Variants in ROBO2 observed in about 807,000 individuals in gnomAD.
ROBO2 encodes roundabout guidance receptor 2, also known as roundabout homolog 2.
ROBO2 carries 53 observed loss-of-function variants against 160.8 expected under a neutral mutation model. The observed-to-expected ratio is 0.33, with a 90% CI of 0.26 to 0.41. The LOEUF is 0.41. ROBO2 is among the 10% of genes least tolerant of loss of function. The pLI is 1.00. For synonymous variants in ROBO2, 664 were observed against 611.7 expected (o/e 1.09, Z -1.26); for missense variants, 1,577 against 1,722.4 (o/e 0.92, Z 1.49).
chr3:75,999,784 G>A (rs1264737504), intron 2 of ROBO2, among the ~76,000 whole-genome samples: 3 of 152,128 alleles, frequency 2.0e-5, no homozygotes, highest in Admixed American at 2.0e-4. Flanking sequence ...CATAAAAAGA[G>A]ATTAAAAACT....
intron 2 of ROBO2, among the ~76,000 whole-genome samples, chr3:76,305,103 G>C (rs2071272683): frequency 6.6e-6 from 1 of 151,990 alleles, no homozygotes; most frequent in Admixed American, 6.6e-5. Context: ...GGGAGCTTCA[G>C]TCAAGAAAAG....
At chr3:76,226,135 A>G (rs1364835352) in intron 2 of ROBO2, among the ~76,000 whole-genome samples, 1 of 152,182 alleles carries the variant, frequency 6.6e-6, no homozygotes, top group African/African-American at 2.4e-5. Flanking sequence ...ACTTAATACT[A>G]AGAAATTCAA....
At chr3:77,002,680 G>A (rs184400901) in intron 2 of ROBO2, among the ~76,000 whole-genome samples, 34 of 152,032 alleles carry the variant, frequency 2.2e-4, no homozygotes, top group African/African-American at 8.0e-4. Context: ...TTTCAATTTG[G>A]ATTTTAGTCT....
chr3:76,235,498 G>A (rs1220986769), intron 2 of ROBO2, among the ~76,000 whole-genome samples: 2 of 152,138 alleles, frequency 1.3e-5, no homozygotes, highest in South Asian at 2.1e-4. Flanking sequence ...TAGCTACCTG[G>A]TTAGTGGTCA....
chr3:76,184,277 C>T (rs1701639786), intron 2 of ROBO2, among the ~76,000 whole-genome samples: 1 of 152,042 alleles, frequency 6.6e-6, no homozygotes, highest in Non-Finnish European at 1.5e-5. Flanking sequence ...AGGCTCCTCA[C>T]ACATAGTCTC....
chr3:77,477,656 A>T (rs963245090), intron 3 of ROBO2, 85 bp downstream of exon 3: 3 of 1,270,290 alleles, frequency 2.4e-6, no homozygotes, highest in South Asian at 2.5e-5. Flanking sequence ...CTTTAACATT[A>T]TTAATACAAT....
chr3:76,393,513 G>A lies in ROBO2; in HGVS notation c.109+455911G>A, dbSNP rs1027976801. Among the ~76,000 whole-genome samples, 6 of 152,072 alleles carry A rather than the reference G, an allele frequency of 3.9e-5. No homozygotes were observed. The East Asian group carries it at 1.2e-3, about 29-fold the overall frequency. ...CTTCTAAAGTTTTTGTAGCTTGTTT[G>A]TTTTTATAAACTTTGACCTACTTCT... On this transcript the variant is annotated intron_variant, in intron 2 of 26. Transcript: ENST00000487694.
intron 2 of ROBO2, among the ~76,000 whole-genome samples, chr3:76,769,448 C>T (rs2061761202): frequency 6.6e-6 from 1 of 151,270 alleles, no homozygotes; most frequent in Non-Finnish European, 1.5e-5. Flanking sequence ...GGCTGTACAA[C>T]TCAGGGCTCT....
rs2076618576 is a variant in ROBO2, at chr3:76,435,253, C to T, written c.109+497651C>T. The T allele has an allele frequency of 3.3e-6, 5 of 1,503,476 alleles. No homozygotes were observed. In the South Asian group the frequency reaches 3.4e-5, roughly 10 times the overall value. 93.1% of individuals were successfully genotyped at this position (1,503,476 alleles called of 1,614,324 possible). A position where few individuals can be genotyped will look rare whatever the true frequency, so the allele number is the denominator to read the frequency against. Reference sequence around the variant, plus strand: ...ATCAACAAAACAGATGGCTGCCATGCTTACCTGAGCAAGAATTCCCTGGAT... The same window carrying T: ...ATCAACAAAACAGATGGCTGCCATGTTTACCTGAGCAAGAATTCCCTGGAT... On this transcript the variant is annotated intron_variant, in intron 2 of 26. Transcript: ENST00000487694.
intron 2 of ROBO2, among the ~76,000 whole-genome samples, chr3:76,359,121 C>T (rs1434983061): frequency 1.3e-5 from 2 of 151,872 alleles, no homozygotes; most frequent in African/African-American, 2.4e-5. Context: ...TTTATGGCTG[C>T]ATAGTATTCC....
chr3:76,595,009 G>C (rs2108867457), intron 2 of ROBO2, among the ~76,000 whole-genome samples: 2 of 152,096 alleles, frequency 1.3e-5, no homozygotes, highest in South Asian at 4.1e-4. Flanking sequence ...TGGGGGTGGA[G>C]CCCTCATGAA....
chr3:76,547,725 A>G (rs1299305203), intron 2 of ROBO2, among the ~76,000 whole-genome samples: 1 of 152,036 alleles, frequency 6.6e-6, no homozygotes, highest in African/African-American at 2.4e-5. Flanking sequence ...TATTTTAAAA[A>G]TTTGCTTGAA....
In ROBO2 at chr3:77,608,085, C is replaced by G. The variant is rs562403125; in HGVS notation, c.3293+131C>G. Reference sequence around the variant, plus strand: ...ACCACCATGTTCATTGCATTTCCCCCTCTTTCATTGTTTGCACTGTCTATA... The same window carrying G: ...ACCACCATGTTCATTGCATTTCCCCGTCTTTCATTGTTTGCACTGTCTATA... On this transcript the variant is annotated intron_variant, in intron 21 of 25. Coordinates refer to ENST00000461745, the Ensembl canonical transcript of ROBO2. 1.1e-5 allele frequency: 9 copies of G among 804,234 alleles called. No homozygotes were observed. In the Admixed American group the frequency reaches 1.2e-4, roughly 11 times the overall value. 49.8% of individuals were successfully genotyped at this position (804,234 alleles called of 1,614,324 possible).
intron 2 of ROBO2, among the ~76,000 whole-genome samples, chr3:76,854,024 CTCTCTCTCTCTCTCTCT>C (rs1559605185): frequency 1.3e-4 from 2 of 15,066 alleles, no homozygotes; most frequent in Non-Finnish European, 2.8e-4. Flanking sequence ...GACTTTCTCT[CTCTCTCTCTCTCTCTCT>C]CTCTCTCTCT....
At chr3:77,100,847 G>T (rs1444561030) in intron 2 of ROBO2, among the ~76,000 whole-genome samples, 1 of 152,146 alleles carries the variant, frequency 6.6e-6, no homozygotes. Context: ...GTAAGCTTAA[G>T]AAATGATTCT....
chr3:76,109,737 G>A (rs1191737235), intron 2 of ROBO2, among the ~76,000 whole-genome samples: 1 of 151,888 alleles, frequency 6.6e-6, no homozygotes, highest in Non-Finnish European at 1.5e-5. Context: ...GCGAAGTGGT[G>A]AAGTTTGAGC....
chr3:76,000,243 G>A (rs1191976171), intron 2 of ROBO2, among the ~76,000 whole-genome samples: 3 of 152,062 alleles, frequency 2.0e-5, no homozygotes, highest in African/African-American at 7.2e-5. Flanking sequence ...AGAAGATGAC[G>A]CTAAGAGAGA....
chr3:77,027,722 G>A (rs1304777448), intron 2 of ROBO2, among the ~76,000 whole-genome samples: 2 of 152,020 alleles, frequency 1.3e-5, no homozygotes, highest in African/African-American at 4.8e-5. Flanking sequence ...CTCTAGTAAG[G>A]GTGCTAGCCA....
At chr3:76,656,640 G>A (rs886264442) in intron 2 of ROBO2, among the ~76,000 whole-genome samples, 1 of 151,734 alleles carries the variant, frequency 6.6e-6, no homozygotes, top group Admixed American at 6.6e-5. Context: ...GTTTTGTTTT[G>A]TTTACATTTT....
Sources: gnomAD v4.1 joint callset for allele counts (sites outside exome capture counted in the v4.1 genomes callset) on GRCh38, gnomAD v4.1.1 for gene constraint, MANE v1.5 for transcripts, NCBI Gene and HGNC (gene_info 2026-07-23, HGNC 2026-07-21) for gene names.